Variants in MAN1A2 observed in about 807,000 individuals in gnomAD.
MAN1A2 encodes the protein mannosyl-oligosaccharide 1,2-alpha-mannosidase IB.
Under a neutral mutation model 75.7 loss-of-function variants are expected in MAN1A2, and 26 were observed. The ratio of observed to expected loss-of-function variants is 0.34; its 90% CI spans 0.25 to 0.48. MAN1A2 has a LOEUF of 0.48. Ranked by LOEUF, MAN1A2 falls within the 20% of genes least tolerant of loss-of-function variation. MAN1A2 has a pLI of 0.99. For missense variants in MAN1A2, 562 were observed against 775.5 expected, an observed-to-expected ratio of 0.72 and a Z score of 3.27; for synonymous variants, 247 against 264.6, an observed-to-expected ratio of 0.93 and a Z score of 0.65.
rs1375402404 is a variant in MAN1A2 at position 117,408,453 on chromosome 1, G to A, written c.655+2808G>A. On this transcript the variant is annotated intron_variant, in intron 3 of 12. Coordinates refer to ENST00000356554, the MANE Select transcript of MAN1A2 (RefSeq NM_006699.5). ...CTTTGATTTTGCAATGCTCTTTGAA[G>A]GGTGCATTTTATTTTCCAGGTGTGT... 2.0e-5 allele frequency among the ~76,000 whole-genome samples: 3 copies of A among 151,552 alleles called. No individual in the cohort carries two copies. In the East Asian group the frequency reaches 5.8e-4, roughly 29 times the overall value.
intron 1 of MAN1A2, among the ~76,000 whole-genome samples, chr1:117,379,868 A>T (rs1455582908): frequency 6.6e-6 from 1 of 151,882 alleles, no homozygotes; most frequent in Non-Finnish European, 1.5e-5. Flanking sequence ...TATATATGTG[A>T]TTTGTTTATA....
At chr1:117,388,098 ATATCT>A (rs1461875330) in intron 1 of MAN1A2, among the ~76,000 whole-genome samples, 1 of 152,088 alleles carries the variant, frequency 6.6e-6, no homozygotes, top group Non-Finnish European at 1.5e-5. Context: ...CTGAGAGATA[ATATCT>A]TAGTAACAAA....
intron 1 of MAN1A2, among the ~76,000 whole-genome samples, chr1:117,369,873 G>GA (rs1346462531): frequency 1.3e-5 from 2 of 152,056 alleles, no homozygotes; most frequent in East Asian, 1.9e-4. Context: ...GAAATATATT[G>GA]AAAAAATGTG....
chr1:117,447,409 G>A (rs1053080730), intron 6 of MAN1A2, among the ~76,000 whole-genome samples: 84 of 152,138 alleles, frequency 5.5e-4, no homozygotes, highest in African/African-American at 2.0e-3. Context: ...AATATTGGAA[G>A]AAGTATCCTG....
Position 117,523,057 on chromosome 1 carries a change from G to A in MAN1A2, c.*100G>A. 7.9e-7 allele frequency: 1 copy of A among 1,270,916 alleles called. No individual in the cohort carries two copies. The highest frequency in any genetic ancestry group is 1.3e-5 in the South Asian group (1 of 79,848). 78.7% of individuals were successfully genotyped at this position (1,270,916 alleles called of 1,614,324 possible). On this transcript the variant is annotated 3_prime_UTR_variant, in exon 13 of 13. Transcript: ENST00000356554. ...GGCTTTTGAAAACCTGGACCTCTATGTCAACATGACAGGGTGAAACTATTC... is the reference window on the plus strand; with the variant it reads ...GGCTTTTGAAAACCTGGACCTCTATATCAACATGACAGGGTGAAACTATTC...
intron 1 of MAN1A2, among the ~76,000 whole-genome samples, chr1:117,384,934 A>G (rs1454582688): frequency 6.6e-6 from 1 of 152,206 alleles, no homozygotes; most frequent in Admixed American, 6.5e-5. Context: ...AAGCCCCAGC[A>G]TCATGAAGCA....
intron 8 of MAN1A2, among the ~76,000 whole-genome samples, chr1:117,488,637 T>C (rs1047756133): frequency 1.2e-4 from 19 of 152,102 alleles, no homozygotes; most frequent in African/African-American, 4.3e-4. Flanking sequence ...AAATGTACTA[T>C]AGTTTTATCT....
chr1:117,427,278 A>G (rs1648406646), intron 5 of MAN1A2, among the ~76,000 whole-genome samples: 1 of 152,162 alleles, frequency 6.6e-6, no homozygotes, highest in South Asian at 2.1e-4. Context: ...ATAAAGGAAA[A>G]TATTTCTGAA....
At chr1:117,470,602 G>A (rs1056492610) in intron 8 of MAN1A2, among the ~76,000 whole-genome samples, 4 of 151,848 alleles carry the variant, frequency 2.6e-5, no homozygotes, top group Admixed American at 6.6e-5. Flanking sequence ...TTTAATTTCA[G>A]TGTTATAGAA....
rs548285374 is a variant in MAN1A2 at position 117,478,495 on chromosome 1, C to T, written c.1168+12068C>T. 5.3e-5 allele frequency among the ~76,000 whole-genome samples: 8 copies of T among 152,008 alleles called. No homozygotes were observed. In the East Asian group the frequency reaches 5.8e-4, roughly 11 times the overall value. On this transcript the variant is annotated intron_variant, in intron 8 of 12. Transcript: ENST00000356554. ...AAGAAATCTTTGCCTAACTCAAGCA[C>T]GCCTAACCCAAGCACACAAAGATTT... is the stretch of plus-strand genomic sequence containing the variant.
chr1:117,377,511 T>C (rs1653191478), intron 1 of MAN1A2, among the ~76,000 whole-genome samples: 2 of 152,232 alleles, frequency 1.3e-5, no homozygotes, highest in Non-Finnish European at 2.9e-5. Context: ...ATCACTTCTT[T>C]CACAAATCCG....
At chr1:117,497,703 T>G (rs553237425) in intron 10 of MAN1A2, among the ~76,000 whole-genome samples, 1 of 151,944 alleles carries the variant, frequency 6.6e-6, no homozygotes, top group South Asian at 2.1e-4. Flanking sequence ...CAATTAGGCT[T>G]TTTTAAAAAA....
At chr1:117,509,634 GTGTT>G (rs1429391591) in intron 12 of MAN1A2, among the ~76,000 whole-genome samples, 11 of 151,930 alleles carry the variant, frequency 7.2e-5, no homozygotes, top group Admixed American at 6.6e-4. Context: ...TGCAATCAAT[GTGTT>G]TGTTGAGCTA....
intron 3 of MAN1A2, among the ~76,000 whole-genome samples, chr1:117,410,630 A>AG (rs1396597986): frequency 6.6e-6 from 1 of 151,780 alleles, no homozygotes; most frequent in African/African-American, 2.4e-5. Flanking sequence ...AAAGAAAAAA[A>AG]AAAAAGAATA....
intron 1 of MAN1A2, among the ~76,000 whole-genome samples, chr1:117,379,397 T>C (rs1408577098): frequency 1.3e-5 from 2 of 152,186 alleles, no homozygotes; most frequent in African/African-American, 4.8e-5. Flanking sequence ...CATCAGATAG[T>C]GTGGGCTCTT....
In MAN1A2 at chr1:117,476,941, C is replaced by T. The variant is rs374581035; in HGVS notation, c.1168+10514C>T. Among the ~76,000 whole-genome samples, 20 of 152,160 alleles carry T rather than the reference C, an allele frequency of 1.3e-4. No homozygotes were observed. In the East Asian group the frequency reaches 2.7e-3, roughly 21 times the overall value. ...GGGATAGCACTGAATCTGTAAATTA[C>T]TATGGGCAGTATGGACATTTTCACG... On this transcript the variant is annotated intron_variant, in intron 8 of 12. Coordinates refer to ENST00000356554, the MANE Select transcript of MAN1A2 (RefSeq NM_006699.5).
chr1:117,369,611 G>T (rs1652884401), intron 1 of MAN1A2, among the ~76,000 whole-genome samples: 1 of 151,978 alleles, frequency 6.6e-6, no homozygotes, highest in South Asian at 2.1e-4. Flanking sequence ...ATGGTTCTTT[G>T]ACTTTTGGAT....
chr1:117,456,669 G>A (rs1340788109), intron 6 of MAN1A2, among the ~76,000 whole-genome samples: 1 of 151,814 alleles, frequency 6.6e-6, no homozygotes, highest in Non-Finnish European at 1.5e-5. Flanking sequence ...CTAAATTTTT[G>A]CATATTAAAA....
intron 5 of MAN1A2, among the ~76,000 whole-genome samples, chr1:117,441,496 C>G (rs1649032862): frequency 6.6e-6 from 1 of 152,090 alleles, no homozygotes; most frequent in South Asian, 2.1e-4. Context: ...ATGACCCAGT[C>G]ACAGTTTGGA....
Sources: allele counts gnomAD v4.1 joint callset (sites outside exome capture counted in the v4.1 genomes callset), GRCh38; gene constraint gnomAD v4.1.1; transcripts MANE v1.5; gene names NCBI Gene and HGNC (gene_info 2026-07-23, HGNC 2026-07-21).